The following TASP1 variants were observed in gnomAD, a reference collection of about 807,000 sequenced individuals.
TASP1 encodes the protein threonine aspartase 1.
Under a neutral mutation model 56.6 loss-of-function variants are expected in TASP1, and 16 were observed. The ratio of observed to expected loss-of-function variants is 0.28; its 90% CI spans 0.19 to 0.43. The LOEUF is 0.43. Among genes scored for constraint, TASP1 ranks in the 20% least tolerant of loss-of-function variants. The pLI is 1.00. For synonymous variants in TASP1, 179 were observed against 184.2 expected (o/e 0.97, Z 0.23); for missense variants, 393 against 511.6 (o/e 0.77, Z 2.24).
At chr20:13,152,678 G>A in the TASP1 span, among the ~76,000 whole-genome samples, 3 of 152,136 alleles carry the variant, frequency 2.0e-5, no homozygotes, top group African/African-American at 7.2e-5. Context: ...CAATAATCAG[G>A]GGGATGAATT....
chr20:13,439,050 T>C (rs1295720677), intron 11 of TASP1, among the ~76,000 whole-genome samples: 5 of 152,182 alleles, frequency 3.3e-5, no homozygotes. Context: ...ACTTTTACAC[T>C]GTTGGTGGGA....
chr20:13,234,144 G>A, the TASP1 span, among the ~76,000 whole-genome samples: 5,248 of 152,138 alleles, frequency 0.034, 248 homozygotes, highest in African/African-American at 0.11. Context: ...GGAGTCCCCA[G>A]TGTCTGATTA....
chr20:13,478,896 T>C (rs1469287166), intron 11 of TASP1, among the ~76,000 whole-genome samples: 10 of 152,132 alleles, frequency 6.6e-5, no homozygotes, highest in Admixed American at 6.5e-4. Context: ...AGACAAAAAT[T>C]ACAGACAAAT....
chr20:13,375,881 T>A, the TASP1 span, among the ~76,000 whole-genome samples: 1 of 152,218 alleles, frequency 6.6e-6, no homozygotes, highest in Admixed American at 6.5e-5. Context: ...TGTCTTCTTT[T>A]AAGAAGTGTC....
chr20:13,466,821 G>A (rs2044275938), intron 11 of TASP1, among the ~76,000 whole-genome samples: 1 of 152,110 alleles, frequency 6.6e-6, no homozygotes, highest in Non-Finnish European at 1.5e-5. Flanking sequence ...CTACTAAAAT[G>A]TGGACATGAC....
intron 4 of TASP1, among the ~76,000 whole-genome samples, chr20:13,595,310 T>C (rs535953332): frequency 3.7e-4 from 56 of 152,306 alleles, no homozygotes; most frequent in African/African-American, 1.3e-3. Context: ...ATGAAGAAAC[T>C]GTATCAATTA....
the TASP1 span, among the ~76,000 whole-genome samples, chr20:13,132,171 A>ATTTTTTTT: frequency 4.8e-5 from 5 of 103,998 alleles, no homozygotes; most frequent in Non-Finnish European, 7.5e-5. Flanking sequence ...CCTTGCTTTA[A>ATTTTTTTT]TTTTTTTTTT....
chr20:13,511,202 A>AC (rs1236246988), intron 10 of TASP1, among the ~76,000 whole-genome samples: 1 of 149,712 alleles, frequency 6.7e-6, no homozygotes, highest in African/African-American at 2.5e-5. Flanking sequence ...CTAAAAGAAG[A>AC]TTTTTTTTTT....
chr20:13,116,514 AT>A, the TASP1 span, among the ~76,000 whole-genome samples: 3 of 152,106 alleles, frequency 2.0e-5, no homozygotes, highest in Non-Finnish European at 4.4e-5. Context: ...TTTTAATTTT[AT>A]TTATTCATAG....
chr20:13,111,990 G>A, the TASP1 span, among the ~76,000 whole-genome samples: 1 of 152,310 alleles, frequency 6.6e-6, no homozygotes, highest in East Asian at 1.9e-4. Flanking sequence ...ACCCAGGTGT[G>A]GACTTCCAGC....
At chr20:13,123,593 G>A in the TASP1 span, among the ~76,000 whole-genome samples, 5 of 152,136 alleles carry the variant, frequency 3.3e-5, no homozygotes, top group Admixed American at 2.0e-4. Context: ...TAACTCCTGC[G>A]TTATATTCCC....
intron 12 of TASP1, among the ~76,000 whole-genome samples, chr20:13,421,840 T>G (rs1057409279): frequency 1.3e-5 from 2 of 152,102 alleles, no homozygotes; most frequent in South Asian, 2.1e-4. Context: ...TAGCAAATAA[T>G]GAGCCACTAC....
chr20:13,614,860 T>C (rs1393396350), intron 4 of TASP1: 3 of 467,964 alleles, frequency 6.4e-6, no homozygotes, highest in African/African-American at 2.0e-5. Context: ...GTACCTGAAA[T>C]TGTCCTTTCC....
chr20:13,536,067 G>A (rs1055725321), intron 8 of TASP1, among the ~76,000 whole-genome samples: 6 of 152,136 alleles, frequency 3.9e-5, no homozygotes, highest in Admixed American at 2.6e-4. Flanking sequence ...GCAATCTTGG[G>A]TAGAGAAGTG....
At chr20:13,536,789 T>C (rs188716864) in intron 8 of TASP1, among the ~76,000 whole-genome samples, 1 of 152,116 alleles carries the variant, frequency 6.6e-6, no homozygotes, top group Non-Finnish European at 1.5e-5. Context: ...TATTTCACTG[T>C]CTAACCTTTG....
intron 4 of TASP1, among the ~76,000 whole-genome samples, chr20:13,604,987 C>CACATAT (rs1401253052): frequency 1.3e-4 from 18 of 140,498 alleles, no homozygotes; most frequent in African/African-American, 4.7e-4. Flanking sequence ...AGACATAATA[C>CACATAT]ATATATATAT....
chr20:13,600,822 C>T, intron 4 of TASP1, among the ~76,000 whole-genome samples: 1 of 152,096 alleles, frequency 6.6e-6, no homozygotes, highest in Non-Finnish European at 1.5e-5. Context: ...AGTACAAAAA[C>T]ATGTATATCC....
the TASP1 span, among the ~76,000 whole-genome samples, chr20:13,340,373 T>G: frequency 6.6e-6 from 1 of 152,208 alleles, no homozygotes; most frequent in South Asian, 2.1e-4. Flanking sequence ...AATCACTGCC[T>G]ACTTATTTCA....
chr20:13,340,825 TATAATG>T, the TASP1 span, among the ~76,000 whole-genome samples: 1 of 152,244 alleles, frequency 6.6e-6, no homozygotes, highest in African/African-American at 2.4e-5. Context: ...ATTTTACTCT[TATAATG>T]ATAATAATAC....
Sources: allele counts gnomAD v4.1 joint callset (sites outside exome capture counted in the v4.1 genomes callset), GRCh38; gene constraint gnomAD v4.1.1; transcripts MANE v1.5; gene names NCBI Gene and HGNC (gene_info 2026-07-23, HGNC 2026-07-21).